The following MPHOSPH9 variants were observed in gnomAD, a reference collection of about 807,000 sequenced individuals.
MPHOSPH9 encodes the protein M-phase phosphoprotein 9.
Under a neutral mutation model 145.5 loss-of-function variants are expected in MPHOSPH9, and 88 were observed. That is an observed-to-expected ratio of 0.60 (90% CI 0.51 to 0.72). The LOEUF is 0.72. MPHOSPH9 is among the 30% of genes least tolerant of loss of function. The pLI, the probability that MPHOSPH9 is intolerant of heterozygous loss-of-function variation, is 0.00. For missense variants in MPHOSPH9, 1,238 were observed against 1,386.6 expected (o/e 0.89, Z 1.70); for synonymous variants, 435 against 486.2 (o/e 0.89, Z 1.39).
intron 1 of MPHOSPH9, among the ~76,000 whole-genome samples, chr12:123,231,575 A>G (rs1385246435): frequency 6.6e-6 from 1 of 152,102 alleles, no homozygotes; most frequent in Non-Finnish European, 1.5e-5. Context: ...TACTGGGAGC[A>G]TGTCCCAGCT....
rs527628965 is a variant in MPHOSPH9, at chr12:123,214,640, A to G, written c.1087+104T>C. The G allele has an allele frequency of 4.8e-6, 4 of 833,522 alleles. No individual in the cohort carries two copies. The East Asian group carries it at 8.2e-5, about 17-fold the overall frequency. 51.6% of individuals were successfully genotyped at this position (833,522 alleles called of 1,614,324 possible). The stretch of plus-strand genomic sequence containing the variant: ...ATACAGTATCATCCCATATGGAGAA[A>G]TGTAGGCAAGTTGTTTTTTAAAAAT... On this transcript the variant is annotated intron_variant, in intron 7 of 23. Transcript: ENST00000606320.
At chr12:123,197,781 C>CA (rs1172709057) in intron 12 of MPHOSPH9, among the ~76,000 whole-genome samples, 12 of 117,724 alleles carry the variant, frequency 1.0e-4, no homozygotes, top group South Asian at 2.9e-4. Flanking sequence ...GACTCCATCT[C>CA]AAAAAAAAGA....
chr12:123,190,649 GCAATA>G (rs2036165032), intron 13 of MPHOSPH9, among the ~76,000 whole-genome samples: 1 of 151,694 alleles, frequency 6.6e-6, no homozygotes, highest in Admixed American at 6.6e-5. Flanking sequence ...TATATGCAAT[GCAATA>G]CAATTCATAC....
chr12:123,242,282 T>G (rs1024504428), intron 1 of MPHOSPH9, among the ~76,000 whole-genome samples: 1 of 152,174 alleles, frequency 6.6e-6, no homozygotes, highest in Non-Finnish European at 1.5e-5. Flanking sequence ...GCGCCAGCCC[T>G]ACGCCGAAGC....
intron 8 of MPHOSPH9, among the ~76,000 whole-genome samples, chr12:123,209,715 G>GGT (rs2046617179): frequency 6.6e-6 from 1 of 150,478 alleles, no homozygotes; most frequent in African/African-American, 2.4e-5. Context: ...CCCAGTCCAC[G>GGT]GTGTGTGTGT....
chr12:123,160,945 C>T, intron 22 of MPHOSPH9, 96 bp from the exon 23 acceptor site: 1 of 1,388,882 alleles, frequency 7.2e-7, no homozygotes, highest in Non-Finnish European at 9.9e-7. Context: ...TTTCCTTGTC[C>T]ATTTCATCTC....
chr12:123,189,818 C>T (rs1158989096), intron 13 of MPHOSPH9, among the ~76,000 whole-genome samples: 3 of 151,856 alleles, frequency 2.0e-5, no homozygotes, highest in Admixed American at 2.0e-4. Context: ...CACCTGTAGT[C>T]CCAGCTACTA....
At chr12:123,182,102 G>A (rs12229700) in intron 13 of MPHOSPH9, among the ~76,000 whole-genome samples, 82,380 of 150,670 alleles carry the variant, frequency 0.55, 26,980 homozygotes, top group Non-Finnish European at 0.71. Flanking sequence ...CACCATGCCC[G>A]GCTAATTTTT....
chr12:123,220,979 C>T lies in MPHOSPH9; in HGVS notation c.872+393G>A, dbSNP rs1593231216. 2.6e-5 allele frequency among the ~76,000 whole-genome samples: 4 copies of T among 151,540 alleles called. 1 individual carries two copies. The highest frequency in any genetic ancestry group is 7.3e-5 in the African/African-American group (3 of 41,310). The stretch of plus-strand genomic sequence containing the variant: ...CTGAGGCAGAAGAATGGCGTGAACC[C>T]GGGAGGCGGAGCTTGCAGTGAGCCG... On this transcript the variant is annotated intron_variant, in intron 5 of 23. Coordinates refer to ENST00000606320, the MANE Select transcript of MPHOSPH9 (RefSeq NM_022782.4).
chr12:123,170,393 T>C (rs1413318389), intron 16 of MPHOSPH9, among the ~76,000 whole-genome samples: 2 of 152,166 alleles, frequency 1.3e-5, no homozygotes, highest in Non-Finnish European at 2.9e-5. Context: ...TCCACCTGCC[T>C]CAGCCTACCA....
chr12:123,225,908 C>T (rs1243919117), intron 3 of MPHOSPH9, among the ~76,000 whole-genome samples: 3 of 152,094 alleles, frequency 2.0e-5, no homozygotes, highest in Admixed American at 6.5e-5. Context: ...TGGTGGCGCT[C>T]GCCTGTGATC....
Position 123,221,389 on chromosome 12 carries a change from G to A in MPHOSPH9, c.855C>T (p.Tyr285=). 6.3e-7 allele frequency: 1 copy of A among 1,599,814 alleles called. No individual in the cohort carries two copies. Among genetic ancestry groups the A allele is most frequent in the Non-Finnish European group, 8.5e-7 (1 of 1,174,540 alleles). Residue 285 remains tyrosine, a synonymous_variant, in exon 5 of 24, where the codon TAC becomes TAT. Coordinates refer to ENST00000606320, the MANE Select transcript of MPHOSPH9 (RefSeq NM_022782.4). ...CTACTTACCTATTTGTTTTCCCACT[G>A]TATACTTCAGAAACCTTATTTTCAC... ...FLGENKVSEV[Y]SGKTNSNAIT...
chr12:123,221,978 C>T, intron 4 of MPHOSPH9, 83 bp from the exon 5 acceptor site: 1 of 751,994 alleles, frequency 1.3e-6, no homozygotes, highest in Non-Finnish European at 2.1e-6. Flanking sequence ...TATCATGTTT[C>T]AAAATATGAT....
At chr12:123,195,757 T>TA (rs547825957) in intron 12 of MPHOSPH9, among the ~76,000 whole-genome samples, 46 of 151,376 alleles carry the variant, frequency 3.0e-4, no homozygotes, top group Admixed American at 8.6e-4. Flanking sequence ...GGAGAGGAAC[T>TA]AAAAAAGCAA....
At chr12:123,209,687 G>A (rs1323842697) in intron 8 of MPHOSPH9, among the ~76,000 whole-genome samples, 1 of 151,380 alleles carries the variant, frequency 6.6e-6, no homozygotes, top group African/African-American at 2.4e-5. Flanking sequence ...CGAGATTACA[G>A]GATTACAGGC....
At chr12:123,208,342 T>C (rs1200626738) in intron 8 of MPHOSPH9, among the ~76,000 whole-genome samples, 1 of 151,026 alleles carries the variant, frequency 6.6e-6, no homozygotes, top group Non-Finnish European at 1.5e-5. Context: ...ATCGAGACCA[T>C]CCTGACCAAC....
At chr12:123,168,019 G>A (rs972247376) in intron 16 of MPHOSPH9, among the ~76,000 whole-genome samples, 4 of 152,138 alleles carry the variant, frequency 2.6e-5, no homozygotes, top group Admixed American at 1.3e-4. Context: ...CAAAGACTGT[G>A]CCCCTATTCT....
Position 123,166,681 on chromosome 12 carries a change from G to A in MPHOSPH9, c.2565C>T (p.Asn855=). The A allele has an allele frequency of 6.2e-7, 1 of 1,613,764 alleles. No homozygotes were observed. The highest frequency in any genetic ancestry group is 8.5e-7 in the Non-Finnish European group (1 of 1,179,924). The change falls in exon 17 of 24, where the codon AAC becomes AAT. Residue 855 remains asparagine (N), a synonymous_variant. Coordinates refer to ENST00000606320, the MANE Select transcript of MPHOSPH9 (RefSeq NM_022782.4). ...CTAGGCTACAGGTTTCCTCCAGCTG[G>A]TTATCCACGTTACTGTCCTGGGTGT... ...PLDTQDSNVD[N]QLEETCSLGH...
At chr12:123,172,910 G>A (rs553009993) in intron 16 of MPHOSPH9, among the ~76,000 whole-genome samples, 18 of 112,360 alleles carry the variant, frequency 1.6e-4, no homozygotes, top group South Asian at 1.3e-3. Context: ...GAGACAGAGC[G>A]GTGCTCTGTC....
Sources: gnomAD v4.1 joint callset for allele counts (sites outside exome capture counted in the v4.1 genomes callset) on GRCh38, gnomAD v4.1.1 for gene constraint, MANE v1.5 for transcripts, NCBI Gene and HGNC (gene_info 2026-07-23, HGNC 2026-07-21) for gene names.